GNAS: variants seen among roughly 807,000 people sequenced by gnomAD.
GNAS encodes the protein protein ALEX.
A neutral mutation model predicts 54.5 loss-of-function variants in GNAS; 8 were observed. The observed-to-expected ratio is 0.15, with a 90% CI of 0.09 to 0.26. GNAS has a LOEUF of 0.26. Among genes scored for constraint, GNAS ranks in the 10% least tolerant of loss-of-function variants. GNAS has a pLI of 1.00. For missense variants in GNAS, 170 were observed against 529.8 expected (o/e 0.32, Z 6.67); for synonymous variants, 204 against 191.4 (o/e 1.07, Z -0.54).
chr20:58,889,310 G>C (rs2088876580), upstream of GNAS: 8 of 989,922 alleles, frequency 8.1e-6, no homozygotes, highest in Non-Finnish European at 9.6e-6. Flanking sequence ...GGCGGCGGGC[G>C]GCCGGCAGGC....
At chr20:58,889,138 A>T, upstream of GNAS, 2 of 1,201,758 alleles carry the variant, frequency 1.7e-6, no homozygotes, top group Non-Finnish European at 2.1e-6. Context: ...CTGGGGCGTC[A>T]TCGGGGCCGG....
chr20:58,878,528 A>C (rs1387293019), intron 1 of GNAS, among the ~76,000 whole-genome samples: 2 of 152,140 alleles, frequency 1.3e-5, no homozygotes, highest in Non-Finnish European at 2.9e-5. Flanking sequence ...TTATGGGAGG[A>C]GGCAGTGGTC....
chr20:58,898,254 G>GC (rs1555886635), intron 2 of GNAS: 5 of 149,052 alleles, frequency 3.4e-5, no homozygotes, highest in African/African-American at 1.2e-4. Flanking sequence ...TGGGTTTTTG[G>GC]TTTTTTTTTT....
upstream of GNAS, chr20:58,840,642 C>G (rs749569559): frequency 6.2e-7 from 1 of 1,605,558 alleles, no homozygotes; most frequent in African/African-American, 1.3e-5. This position sits in a 1 kb window ranked among gnomAD's most constrained non-coding sequence, Gnocchi z 6.0. Flanking sequence ...AGTCGCGCGC[C>G]GCCCAGCACT....
rs2086281475 is a variant in GNAS, at chr20:58,853,709, ACCAGG to A, written c.43+12826_43+12830del. 6.2e-7 allele frequency: 1 copy of A among 1,613,722 alleles called. No homozygotes were observed. Among genetic ancestry groups the A allele is most frequent in the Admixed American group, 1.7e-5 (1 of 60,010 alleles). On this transcript the variant is annotated intron_variant, in intron 1 of 12. Coordinates refer to the GNAS transcript ENST00000306090. This position sits in a 1 kb window ranked among gnomAD's most constrained non-coding sequence, Gnocchi z 4.4. ...AGCCCGGAGCCTTCAGTGGTGCCAG[ACCAGG>A]CCTGGGAGGATACAGCCCTCCACCA...
chr20:58,896,441 A>G (rs777459223), intron 2 of GNAS, among the ~76,000 whole-genome samples: 1 of 152,048 alleles, frequency 6.6e-6, no homozygotes, highest in Non-Finnish European at 1.5e-5. Context: ...CAATGTGGCA[A>G]TCCGTAGTGG....
chr20:58,860,362 G>GT (rs910763514), intron 1 of GNAS, among the ~76,000 whole-genome samples: 29 of 142,280 alleles, frequency 2.0e-4, no homozygotes, highest in East Asian at 8.1e-4. Context: ...GTTTTGTTTT[G>GT]TTTTTTTGCA....
chr20:58,855,130 G>A (rs1334915421), intron 1 of GNAS: 2 of 1,613,616 alleles, frequency 1.2e-6, no homozygotes, highest in Admixed American at 1.7e-5. Flanking sequence ...TGCTTCGGTC[G>A]ATCTGAGAGT....
Position 58,853,236 on chromosome 20 carries a change from A to G in GNAS, c.43+12350A>G. On this transcript the variant is annotated intron_variant, in intron 1 of 12. Transcript: ENST00000306090. The surrounding 1 kb of genome is among the most constrained non-coding windows in gnomAD (Gnocchi z 4.4). ...TGGGTGCTCCATCTTACGGAGCCCC[A>G]AACTTATTTTGAGAGGCCGCCACCG... 6.6e-7 allele frequency: 1 copy of G among 1,519,162 alleles called. No individual in the cohort carries two copies. The highest frequency in any genetic ancestry group is 8.9e-7 in the Non-Finnish European group (1 of 1,128,418). The allele number at this position is 1,519,162 out of a possible 1,614,324, so 94.1% of individuals were successfully genotyped here.
At position 58,853,271 on chromosome 20, in the gene GNAS, C is replaced by T. The variant is rs2086256289; in HGVS notation, c.43+12385C>T. On this transcript the variant is annotated intron_variant, in intron 1 of 12. Transcript: ENST00000306090. This position sits in a 1 kb window ranked among gnomAD's most constrained non-coding sequence, Gnocchi z 4.4. Reference sequence around the variant, plus strand: ...TGAGAGGCCGCCACCGTGTTATGGGCGTGCGCAACTGCCTCTACGGCAATA... The same window carrying T: ...TGAGAGGCCGCCACCGTGTTATGGGTGTGCGCAACTGCCTCTACGGCAATA... The T allele has an allele frequency of 5.2e-6, 8 of 1,545,760 alleles. No individual in the cohort carries two copies. In the Admixed American group the frequency reaches 5.9e-5, roughly 11 times the overall value.
chr20:58,899,058 G>A, intron 3 of GNAS, 73 bp downstream of exon 3: 1 of 1,128,884 alleles, frequency 8.9e-7, no homozygotes. Flanking sequence ...GGAAACTGAG[G>A]CCAGAGACCC....
chr20:58,860,356 T>C (rs1173668873), intron 1 of GNAS, among the ~76,000 whole-genome samples: 2 of 152,054 alleles, frequency 1.3e-5, no homozygotes, highest in African/African-American at 2.4e-5. Context: ...TGTTTTGTTT[T>C]GTTTTGTTTT....
At chr20:58,903,089 T>C (rs2090775902) in intron 3 of GNAS, 1 of 336,740 alleles carries the variant, frequency 3.0e-6, no homozygotes, top group African/African-American at 2.2e-5. Flanking sequence ...GTTCTCTCAG[T>C]ATGCTAGCAA....
At chr20:58,878,574 C>T (rs1002272243) in intron 1 of GNAS, among the ~76,000 whole-genome samples, 13 of 152,124 alleles carry the variant, frequency 8.5e-5, no homozygotes, top group African/African-American at 2.4e-4. Context: ...GGATAGAGAT[C>T]GCCTTTCCCT....
intron 1 of GNAS, among the ~76,000 whole-genome samples, chr20:58,893,365 A>G (rs1398573302): frequency 1.3e-5 from 2 of 152,212 alleles, no homozygotes; most frequent in African/African-American, 4.8e-5. Context: ...AAAGAATTAC[A>G]CAGCATTAAT....
intron 5 of GNAS, among the ~76,000 whole-genome samples, chr20:58,904,134 A>G (rs1401379490): frequency 1.3e-5 from 2 of 152,194 alleles, no homozygotes; most frequent in Non-Finnish European, 2.9e-5. Flanking sequence ...GTCCTGAGCT[A>G]TGGCAGGCTT....
Position 58,853,989 on chromosome 20 carries a change from C to T in GNAS, c.43+13103C>T, listed in dbSNP as rs1262596970. On this transcript the variant is annotated intron_variant, in intron 1 of 12. Coordinates refer to the GNAS transcript ENST00000306090. The surrounding 1 kb of genome is among the most constrained non-coding windows in gnomAD (Gnocchi z 4.4). ...TGGGGACGACAGCCCACCCCCGGGG[C>T]TTTCCCGAGTTATCGCACAAGTCGA... is the stretch of plus-strand genomic sequence containing the variant. 1.9e-6 allele frequency: 3 copies of T among 1,612,096 alleles called. No homozygotes were observed. In the Admixed American group the frequency reaches 5.0e-5, roughly 27 times the overall value.
chr20:58,853,592 C>T lies in GNAS; in HGVS notation c.43+12706C>T. 2.5e-6 allele frequency: 4 copies of T among 1,613,346 alleles called. No homozygotes were observed. The highest frequency in any genetic ancestry group is 3.4e-6 in the Non-Finnish European group (4 of 1,179,890). ...CAATGCCCTTCGAGGCTGAACAGCC[C>T]AGCTTGGGAGGCTTCTGGCCTACAC... On this transcript the variant is annotated intron_variant, in intron 1 of 12. Transcript: ENST00000306090. The surrounding 1 kb of genome is among the most constrained non-coding windows in gnomAD (Gnocchi z 4.4).
At chr20:58,904,487 C>G (rs1001872783) in intron 5 of GNAS, among the ~76,000 whole-genome samples, 1 of 152,218 alleles carries the variant, frequency 6.6e-6, no homozygotes, top group African/African-American at 2.4e-5. Context: ...AAAAACTGTT[C>G]AAGCCCAAGC....
Sources: allele counts gnomAD v4.1 joint callset (sites outside exome capture counted in the v4.1 genomes callset), GRCh38; gene constraint gnomAD v4.1.1; non-coding constraint Gnocchi (gnomAD v3.1); transcripts MANE v1.5; gene names NCBI Gene and HGNC (gene_info 2026-07-23, HGNC 2026-07-21).